The following BRAF variants were observed in gnomAD, a reference collection of about 807,000 sequenced individuals.
The protein encoded by BRAF is serine/threonine-protein kinase B-raf.
A neutral mutation model predicts 104.6 loss-of-function variants in BRAF; 16 were observed. The observed-to-expected ratio is 0.15, with a 90% CI of 0.10 to 0.23. The LOEUF (loss-of-function observed/expected upper bound fraction) is 0.23, where lower values mean the gene tolerates loss of function less well. Ranked by LOEUF, BRAF falls within the 10% of genes least tolerant of loss-of-function variation. The pLI, the probability that BRAF is intolerant of heterozygous loss-of-function variation, is 1.00. For synonymous variants in BRAF, 310 were observed against 341.6 expected, an observed-to-expected ratio of 0.91 and a Z score of 1.02; for missense variants, 541 against 937.3, an observed-to-expected ratio of 0.58 and a Z score of 5.52.
At chr7:140,790,044 TG>T (rs1562961150) in intron 8 of BRAF, among the ~76,000 whole-genome samples, 1 of 152,148 alleles carries the variant, frequency 6.6e-6, no homozygotes, top group Admixed American at 6.5e-5. Context: ...AGATTTTTAG[TG>T]CTGTGTATGA....
chr7:140,757,342 T>C (rs1461771866), intron 14 of BRAF, among the ~76,000 whole-genome samples: 1 of 151,864 alleles, frequency 6.6e-6, no homozygotes, highest in Non-Finnish European at 1.5e-5. Flanking sequence ...CAGCCTGGAG[T>C]GCGGTGGTGC....
intron 14 of BRAF, among the ~76,000 whole-genome samples, chr7:140,764,449 G>T (rs1175246816): frequency 2.7e-5 from 4 of 149,820 alleles, no homozygotes; most frequent in Non-Finnish European, 4.4e-5. Context: ...TCTGGCCAGG[G>T]CAATCAGGCA....
intron 1 of BRAF, among the ~76,000 whole-genome samples, chr7:140,868,657 T>C (rs185968607): frequency 2.2e-4 from 33 of 152,322 alleles, no homozygotes; most frequent in Non-Finnish European, 1.6e-4. Context: ...TTGGTGATGG[T>C]TGTTGTGCAC....
intron 12 of BRAF, among the ~76,000 whole-genome samples, chr7:140,778,788 G>A (rs1454978995): frequency 6.6e-6 from 1 of 151,360 alleles, no homozygotes; most frequent in Non-Finnish European, 1.5e-5. Flanking sequence ...ACTGCCAGTA[G>A]GTGTTTAAAT....
chr7:140,765,588 C>T (rs949099803), intron 14 of BRAF, among the ~76,000 whole-genome samples: 14 of 151,920 alleles, frequency 9.2e-5, no homozygotes, highest in African/African-American at 3.4e-4. Flanking sequence ...ACAAAGAACT[C>T]AAACAAATTT....
In BRAF at chr7:140,724,396, T is replaced by C. The variant is rs945189867; in HGVS notation, c.*2098A>G. On this transcript the variant is annotated 3_prime_UTR_variant, in exon 20 of 20. Coordinates refer to ENST00000644969, the MANE Select transcript of BRAF (RefSeq NM_001374258.1). ...ATATTTAAAAAGAAAAAACAGCCAA[T>C]GCTTTTCAAGAGAGGCAGTATTATT... 2.2e-5 allele frequency: 23 copies of C among 1,055,532 alleles called. No homozygotes were observed. In the African/African-American group the frequency reaches 3.6e-4, roughly 17 times the overall value. 65.4% of individuals were successfully genotyped at this position (1,055,532 alleles called of 1,614,324 possible).
chr7:140,878,296 A>G (rs1019964916), intron 1 of BRAF, among the ~76,000 whole-genome samples: 7 of 152,180 alleles, frequency 4.6e-5, no homozygotes, highest in African/African-American at 1.7e-4. Flanking sequence ...ATGATATAGG[A>G]GCTAAAATAA....
At chr7:140,825,550 T>G (rs952830879) in intron 3 of BRAF, among the ~76,000 whole-genome samples, 1 of 152,230 alleles carries the variant, frequency 6.6e-6, no homozygotes, top group Admixed American at 6.5e-5. Context: ...TAATTTTTAC[T>G]TTTCATTCCT....
Position 140,719,432 on chromosome 7 carries a change from C to T in BRAF, c.*7062G>A. ...TTTATATAATACAGTTTTTAAATAA[C>T]TTTACACAGAAATAAATTTCTTCAA... On this transcript the variant is annotated 3_prime_UTR_variant, in exon 20 of 20. Transcript: ENST00000644969. 9.9e-7 allele frequency: 1 copy of T among 1,008,438 alleles called. No homozygotes were observed. The highest frequency in any genetic ancestry group is 1.2e-6 in the Non-Finnish European group (1 of 836,076). The allele number at this position is 1,008,438 out of a possible 1,614,324, so 62.5% of individuals were successfully genotyped here. A position where few individuals can be genotyped will look rare whatever the true frequency, so the allele number is the denominator to read the frequency against.
intron 3 of BRAF, among the ~76,000 whole-genome samples, chr7:140,813,609 C>A (rs1003462161): frequency 6.6e-6 from 1 of 152,042 alleles, no homozygotes; most frequent in African/African-American, 2.4e-5. Context: ...CTAGAAAGAA[C>A]CTGAATGACC....
chr7:140,764,292 G>A (rs1461014362), intron 14 of BRAF, among the ~76,000 whole-genome samples: 8 of 151,254 alleles, frequency 5.3e-5, no homozygotes, highest in African/African-American at 1.2e-4. Flanking sequence ...TTGATGGGAC[G>A]TATCTCAAAA....
chr7:140,757,419 AGCT>A (rs1798294679), intron 14 of BRAF, among the ~76,000 whole-genome samples: 1 of 151,932 alleles, frequency 6.6e-6, no homozygotes, highest in Admixed American at 6.6e-5. Context: ...CCTCCTGAGT[AGCT>A]GGGACTACAG....
At chr7:140,759,811 C>G (rs1197127194) in intron 14 of BRAF, among the ~76,000 whole-genome samples, 1 of 152,190 alleles carries the variant, frequency 6.6e-6, no homozygotes, top group African/African-American at 2.4e-5. Context: ...AGCAGTGTTT[C>G]TCACACTTTA....
At chr7:140,919,316 G>A (rs1442269445) in intron 1 of BRAF, among the ~76,000 whole-genome samples, 1 of 152,106 alleles carries the variant, frequency 6.6e-6, no homozygotes, top group Non-Finnish European at 1.5e-5. Context: ...TTTATCCGAT[G>A]TTACAGAGCT....
chr7:140,719,011 A>G (rs1015217677), downstream of BRAF, among the ~76,000 whole-genome samples: 6 of 152,250 alleles, frequency 3.9e-5, no homozygotes, highest in African/African-American at 1.4e-4. Flanking sequence ...AAAGTAGAGC[A>G]CATACTCCAA....
chr7:140,791,474 A>T (rs1309888574), intron 8 of BRAF, among the ~76,000 whole-genome samples: 3 of 152,252 alleles, frequency 2.0e-5, no homozygotes, highest in African/African-American at 4.8e-5. Context: ...GGAGACAGAG[A>T]GTCTCTGCCT....
intron 1 of BRAF, among the ~76,000 whole-genome samples, chr7:140,891,082 G>T (rs1814167528): frequency 6.6e-6 from 1 of 152,136 alleles, no homozygotes; most frequent in Non-Finnish European, 1.5e-5. Flanking sequence ...ACAGTTATAG[G>T]CTCCTATACT....
intron 3 of BRAF, among the ~76,000 whole-genome samples, chr7:140,829,733 G>C (rs1168514437): frequency 6.6e-6 from 1 of 152,070 alleles, no homozygotes; most frequent in East Asian, 1.9e-4. Flanking sequence ...TTCTGAAAAG[G>C]TTCTCTTTCA....
chr7:140,801,860 A>G (rs536831367), intron 5 of BRAF, among the ~76,000 whole-genome samples: 23 of 152,294 alleles, frequency 1.5e-4, no homozygotes. Context: ...AGACATGAAA[A>G]GGAGGAGGAA....
Sources: gnomAD v4.1 joint callset for allele counts (sites outside exome capture counted in the v4.1 genomes callset) on GRCh38, gnomAD v4.1.1 for gene constraint, MANE v1.5 for transcripts, NCBI Gene and HGNC (gene_info 2026-07-23, HGNC 2026-07-21) for gene names.